The following PSMD1 variants were observed in gnomAD, a reference collection of about 807,000 sequenced individuals.
PSMD1 encodes proteasome 26S subunit, non-ATPase 1, also known as 26S proteasome non-ATPase regulatory subunit 1.
PSMD1 carries 18 observed loss-of-function variants against 119.0 expected under a neutral mutation model. The ratio of observed to expected loss-of-function variants is 0.15; its 90% confidence interval spans 0.10 to 0.22. The LOEUF is 0.22. PSMD1 is among the 10% of genes least tolerant of loss of function. The pLI is 1.00. For missense variants in PSMD1, 702 were observed against 1,158.5 expected (o/e 0.61, Z 5.72); for synonymous variants, 374 against 396.6 (o/e 0.94, Z 0.68).
chr2:231,093,048 C>T (rs1694637949), intron 16 of PSMD1, among the ~76,000 whole-genome samples: 1 of 152,096 alleles, frequency 6.6e-6, no homozygotes, highest in Admixed American at 6.5e-5. Flanking sequence ...CCCTCCTAGC[C>T]AAGCAGTTAT....
chr2:231,064,249 T>C (rs1282120357), intron 4 of PSMD1, among the ~76,000 whole-genome samples: 2 of 152,182 alleles, frequency 1.3e-5, no homozygotes, highest in South Asian at 2.1e-4. Context: ...TGAGGGGGTA[T>C]ACAAAACAGA....
At position 231,095,104 on chromosome 2, in the gene PSMD1, A is replaced by G. The variant is rs80062602; in HGVS notation, c.1883+7923A>G. On this transcript the variant is annotated intron_variant, in intron 16 of 24. Coordinates refer to ENST00000308696, the MANE Select transcript of PSMD1 (RefSeq NM_002807.4). The stretch of plus-strand genomic sequence containing the variant: ...CAATTGAACTGAATAATTTGGGTCT[A>G]TGCGATTTAGTTGCCTCTGAGAAAT... Among the ~76,000 whole-genome samples, 129 of 152,320 alleles carry G rather than the reference A, an allele frequency of 8.5e-4. 1 individual carries two copies. The highest frequency in any genetic ancestry group is 2.9e-3 in the African/African-American group (122 of 41,582).
chr2:231,081,069 G>A (rs1297688931), intron 12 of PSMD1, among the ~76,000 whole-genome samples: 1 of 151,286 alleles, frequency 6.6e-6, no homozygotes, highest in African/African-American at 2.4e-5. Flanking sequence ...ACTTGAACCC[G>A]GGAGGCAGAG....
At chr2:231,164,618 A>G (rs1037208480) in intron 21 of PSMD1, among the ~76,000 whole-genome samples, 2 of 151,782 alleles carry the variant, frequency 1.3e-5, no homozygotes, top group Non-Finnish European at 2.9e-5. Flanking sequence ...TATGTTTCAG[A>G]CCCTCCTTTG....
At chr2:231,113,491 A>G (rs1695226567) in intron 16 of PSMD1, among the ~76,000 whole-genome samples, 2 of 152,210 alleles carry the variant, frequency 1.3e-5, no homozygotes, top group Non-Finnish European at 2.9e-5. Context: ...CTCAATAAAC[A>G]CTGTGCAGAT....
rs562766739 is a variant in PSMD1, at chr2:231,170,947, G to C, written c.*9+226G>C. Among the ~76,000 whole-genome samples the C allele has an allele frequency of 6.0e-4, 92 of 152,174 alleles. No homozygotes were observed. The highest frequency in any genetic ancestry group is 2.1e-3 in the African/African-American group (89 of 41,498). ...CTACTCACGTTATTCAAAGTGGCTG[G>C]TCTGCAAACTATTTTTATAGGTCCA... On this transcript the variant is annotated intron_variant, in intron 24 of 24. Transcript: ENST00000308696. This position sits in a 1 kb window ranked among gnomAD's most constrained non-coding sequence, Gnocchi z 4.1.
At chr2:231,111,392 T>C (rs528083017) in intron 16 of PSMD1, among the ~76,000 whole-genome samples, 1 of 152,338 alleles carries the variant, frequency 6.6e-6, no homozygotes, top group East Asian at 1.9e-4. Flanking sequence ...TAATGAGACT[T>C]CATTCATCTC....
chr2:231,138,989 T>C, intron 17 of PSMD1, 139 bp downstream of exon 17: 1 of 733,784 alleles, frequency 1.4e-6, no homozygotes, highest in South Asian at 1.5e-5. Context: ...AGCTTCCCAG[T>C]ACTCCCTCAT....
intron 16 of PSMD1, among the ~76,000 whole-genome samples, chr2:231,091,539 T>A (rs949345558): frequency 1.2e-4 from 18 of 152,220 alleles, no homozygotes; most frequent in African/African-American, 4.3e-4. Context: ...GCAGATTTGT[T>A]AGGCATAGTG....
intron 10 of PSMD1, 74 bp from the exon 11 acceptor site, chr2:231,079,462 A>G: frequency 1.0e-6 from 1 of 1,003,156 alleles, no homozygotes; most frequent in Non-Finnish European, 1.5e-6. Flanking sequence ...TAATGCTTTT[A>G]ACCTTAGAGT....
chr2:231,128,154 T>G (rs1695770009), intron 16 of PSMD1, among the ~76,000 whole-genome samples: 1 of 152,230 alleles, frequency 6.6e-6, no homozygotes, highest in African/African-American at 2.4e-5. Context: ...TAAAGGAATG[T>G]TTAACATGAC....
intron 16 of PSMD1, among the ~76,000 whole-genome samples, chr2:231,124,528 T>C (rs1394822325): frequency 6.6e-6 from 1 of 152,256 alleles, no homozygotes; most frequent in East Asian, 1.9e-4. Context: ...CTTTGTCTTA[T>C]CAGGTTTGTG....
intron 16 of PSMD1, among the ~76,000 whole-genome samples, chr2:231,121,631 C>A (rs1695547369): frequency 1.3e-5 from 2 of 151,970 alleles, no homozygotes; most frequent in South Asian, 4.2e-4. Context: ...ATCTTTGTTA[C>A]CTGTTTTTGT....
intron 16 of PSMD1, among the ~76,000 whole-genome samples, chr2:231,115,491 A>G (rs777848189): frequency 3.3e-5 from 5 of 152,152 alleles, no homozygotes; most frequent in Admixed American, 6.6e-5. Flanking sequence ...ACTTAGTTCT[A>G]TGTTCAGCAG....
intron 16 of PSMD1, among the ~76,000 whole-genome samples, chr2:231,124,557 A>G (rs1437022073): frequency 6.6e-6 from 1 of 152,044 alleles, no homozygotes; most frequent in Non-Finnish European, 1.5e-5. Context: ...TATAAATGTC[A>G]TTTTAGATTT....
In PSMD1 at chr2:231,109,197, G is replaced by A. The variant is rs765459624; in HGVS notation, c.1883+22016G>A. 2.5e-6 allele frequency: 4 copies of A among 1,614,080 alleles called. No individual in the cohort carries two copies. The highest frequency in any genetic ancestry group is 2.7e-5 in the African/African-American group (2 of 74,924). On this transcript the variant is annotated intron_variant, in intron 16 of 24. Coordinates refer to ENST00000308696, the MANE Select transcript of PSMD1 (RefSeq NM_002807.4). Reference sequence around the variant, plus strand: ...ACAGTCAACCATGTTAGGCGTTGAGGTGGCTTGTTTTTGACTAAGTAAGCC... The same window carrying A: ...ACAGTCAACCATGTTAGGCGTTGAGATGGCTTGTTTTTGACTAAGTAAGCC...
chr2:231,163,689 G>C lies in PSMD1; in HGVS notation c.2443G>C (p.Ala815Pro), dbSNP rs1406119211. 1 of 1,612,936 alleles carries C rather than the reference G, an allele frequency of 6.2e-7. No homozygotes were observed. The highest frequency in any genetic ancestry group is 1.7e-5 in the Admixed American group (1 of 59,976). Residue 815 changes from alanine (A) to proline (P), a missense_variant, in exon 21 of 25, where the codon GCC (alanine) becomes CCC (proline). Coordinates refer to ENST00000308696, the MANE Select transcript of PSMD1 (RefSeq NM_002807.4). ...TAAACCATCCACATTTGCATATCCT[G>C]CCCCTCTGGAAGTACCAAAAGAAAA... ...NCKPSTFAYP[A>P]PLEVPKEKEK...
At chr2:231,128,021 C>T (rs1009400681) in intron 16 of PSMD1, among the ~76,000 whole-genome samples, 1 of 152,152 alleles carries the variant, frequency 6.6e-6, no homozygotes, top group Admixed American at 6.5e-5. Flanking sequence ...ATTTATTGAG[C>T]AGATTCTGTC....
chr2:231,133,952 T>A (rs554157139), intron 16 of PSMD1, among the ~76,000 whole-genome samples: 5 of 152,356 alleles, frequency 3.3e-5, no homozygotes, highest in South Asian at 4.1e-4. Context: ...GTACAAATAG[T>A]AACATTGGCA....
Sources: allele counts gnomAD v4.1 joint callset (sites outside exome capture counted in the v4.1 genomes callset), GRCh38; gene constraint gnomAD v4.1.1; non-coding constraint Gnocchi (gnomAD v3.1); transcripts MANE v1.5; gene names NCBI Gene and HGNC (gene_info 2026-07-23, HGNC 2026-07-21).